FKTN: variants seen among roughly 807,000 people sequenced by gnomAD.
FKTN encodes the protein ribitol-5-phosphate transferase FKTN.
In FKTN, 47 loss-of-function variants were observed where a neutral mutation model predicts 58.6. The ratio of observed to expected loss-of-function variants is 0.80; its 90% CI spans 0.63 to 1.02. The LOEUF (loss-of-function observed/expected upper bound fraction) is 1.02, where lower values mean the gene tolerates loss of function less well. FKTN is among the 50% of genes least tolerant of loss of function. FKTN has a pLI of 0.00. For synonymous variants in FKTN, 178 were observed against 191.9 expected (o/e 0.93, Z 0.60); for missense variants, 516 against 537.3 (o/e 0.96, Z 0.39).
chr9:105,636,899 C>A lies in FKTN; in HGVS notation c.*1635C>A, dbSNP rs568504559. 2.6e-5 allele frequency: 28 copies of A among 1,097,616 alleles called. No homozygotes were observed. The South Asian group carries it at 5.4e-4, about 21-fold the overall frequency. The allele number at this position is 1,097,616 out of a possible 1,614,324, so 68.0% of individuals were successfully genotyped here. On this transcript the variant is annotated 3_prime_UTR_variant, in exon 11 of 11. Transcript: ENST00000357998. ...CATGAAAACCTTTGATAAATGATAA[C>A]CAACAGTCTTCTGTCCTAATTTGCA...
Position 105,640,675 on chromosome 9 carries a change from C to T in FKTN, c.*5411C>T, listed in dbSNP as rs564615099. On this transcript the variant is annotated 3_prime_UTR_variant, in exon 11 of 11. Coordinates refer to ENST00000357998, the MANE Select transcript of FKTN (RefSeq NM_001079802.2). ...CAGAGATTTTGTAGGGACCCATTAA[C>T]AAGCTCCTATATAATTATAAGCAGC... The T allele has an allele frequency of 2.6e-5, 4 of 152,194 alleles. No homozygotes were observed. In the South Asian group the frequency reaches 6.2e-4, roughly 24 times the overall value. The allele number at this position is 152,194 out of a possible 1,614,324, so 9.4% of individuals were successfully genotyped here. A position where few individuals can be genotyped will look rare whatever the true frequency, so the allele number is the denominator to read the frequency against.
intron 3 of FKTN, among the ~76,000 whole-genome samples, chr9:105,579,272 A>T (rs762021587): frequency 1.3e-4 from 20 of 152,038 alleles, no homozygotes; most frequent in Non-Finnish European, 1.6e-4. Flanking sequence ...TGTCAATTTT[A>T]GATCTTTCCT....
In FKTN at chr9:105,638,657, G is replaced by A. The variant is rs572399762; in HGVS notation, c.*3393G>A. On this transcript the variant is annotated 3_prime_UTR_variant, in exon 11 of 11. Coordinates refer to ENST00000357998, the MANE Select transcript of FKTN (RefSeq NM_001079802.2). The stretch of plus-strand genomic sequence containing the variant: ...TCATTCACAAAAAAGAATAATAGAT[G>A]TAACTGGAGTCACTTTGCAGTTTTC... The A allele has an allele frequency of 6.4e-5, 63 of 985,166 alleles. 1 individual carries two copies. The South Asian group carries it at 2.6e-3, about 41-fold the overall frequency. 61.0% of individuals were successfully genotyped at this position (985,166 alleles called of 1,614,324 possible).
At chr9:105,581,902 A>G (rs779849650) in intron 3 of FKTN, among the ~76,000 whole-genome samples, 1 of 152,108 alleles carries the variant, frequency 6.6e-6, no homozygotes, top group Non-Finnish European at 1.5e-5. Flanking sequence ...TGAAAAGCGC[A>G]ATATTCGGGT....
Position 105,640,321 on chromosome 9 carries a change from C to T in FKTN, c.*5057C>T. 1.6e-6 allele frequency: 1 copy of T among 623,366 alleles called. No individual in the cohort carries two copies. The highest frequency in any genetic ancestry group is 2.5e-6 in the Non-Finnish European group (1 of 393,378). 38.6% of individuals were successfully genotyped at this position (623,366 alleles called of 1,614,324 possible). On this transcript the variant is annotated 3_prime_UTR_variant, in exon 11 of 11. Coordinates refer to ENST00000357998, the MANE Select transcript of FKTN (RefSeq NM_001079802.2). Reference sequence around the variant, plus strand: ...ATACCAGCAGTTTGAGAAGCTAAGGCAGGTGGATCACTTGAGGCCAGGAGT... The same window carrying T: ...ATACCAGCAGTTTGAGAAGCTAAGGTAGGTGGATCACTTGAGGCCAGGAGT...
intron 3 of FKTN, among the ~76,000 whole-genome samples, chr9:105,577,560 T>C (rs1841974000): frequency 6.9e-6 from 1 of 145,348 alleles, no homozygotes; most frequent in Non-Finnish European, 1.5e-5. Flanking sequence ...CATGCTGTTT[T>C]GGTTACTGTA....
At chr9:105,593,576 G>A (rs1359205748) in intron 3 of FKTN, among the ~76,000 whole-genome samples, 1 of 152,132 alleles carries the variant, frequency 6.6e-6, no homozygotes, top group African/African-American at 2.4e-5. Context: ...ATGACTAGAT[G>A]AGATACTAAG....
At chr9:105,624,457 G>A (rs1832492283) in intron 10 of FKTN, 1 of 151,606 alleles carries the variant, frequency 6.6e-6, no homozygotes, top group Non-Finnish European at 1.5e-5. Context: ...ATAAACCCTG[G>A]CTTTATATAA....
Position 105,596,403 on chromosome 9 carries a change from C to T in FKTN, c.106-195C>T, listed in dbSNP as rs576069457. Among the ~76,000 whole-genome samples, 117 of 152,204 alleles carry T rather than the reference C, an allele frequency of 7.7e-4. 1 individual carries two copies. Among genetic ancestry groups the T allele is most frequent in the African/African-American group, 2.7e-3 (111 of 41,560 alleles). ...CTTAATTAACTTACTACAAATCTAT[C>T]GATGTTTTCCATCTTGGATTTTTAT... On this transcript the variant is annotated intron_variant, in intron 3 of 10. Transcript: ENST00000357998.
intron 10 of FKTN, among the ~76,000 whole-genome samples, chr9:105,632,167 A>G (rs1833537073): frequency 6.6e-6 from 1 of 151,870 alleles, no homozygotes; most frequent in Non-Finnish European, 1.5e-5. Context: ...CTATCGCAAG[A>G]ACAAAAAACC....
At chr9:105,618,644 G>C (rs528716468) in intron 9 of FKTN, among the ~76,000 whole-genome samples, 2 of 152,140 alleles carry the variant, frequency 1.3e-5, no homozygotes, top group Non-Finnish European at 2.9e-5. Flanking sequence ...ACTAGGGATA[G>C]GTCATTGGGG....
At chr9:105,599,240 A>G (rs1002855790) in intron 4 of FKTN, among the ~76,000 whole-genome samples, 9 of 152,122 alleles carry the variant, frequency 5.9e-5, no homozygotes, top group African/African-American at 1.9e-4. Context: ...TGAAATTATC[A>G]TAGTTTTTCA....
chr9:105,616,879 CAAAA>C (rs377163590), intron 8 of FKTN, among the ~76,000 whole-genome samples: 1 of 119,872 alleles, frequency 8.3e-6, no homozygotes, highest in Non-Finnish European at 1.8e-5. Flanking sequence ...TAGAATAAGC[CAAAA>C]AAAAAAAAAA....
At chr9:105,576,145 CTTTTT>C (rs5899668) in intron 3 of FKTN, among the ~76,000 whole-genome samples, 5 of 119,694 alleles carry the variant, frequency 4.2e-5, no homozygotes, top group African/African-American at 1.5e-4. Context: ...TGAAACTTTT[CTTTTT>C]TTTTTTTTTT....
At chr9:105,630,505 CACAGA>C (rs1250767034) in intron 10 of FKTN, among the ~76,000 whole-genome samples, 3 of 152,124 alleles carry the variant, frequency 2.0e-5, no homozygotes, top group Non-Finnish European at 2.9e-5. Context: ...ACTGTGCCTT[CACAGA>C]ACAGATTATC....
intron 1 of FKTN, among the ~76,000 whole-genome samples, chr9:105,558,939 G>C (rs1837734048): frequency 6.6e-6 from 1 of 152,194 alleles, no homozygotes; most frequent in Admixed American, 6.5e-5. Context: ...AGTGAGGGTA[G>C]AGGATTTGGG....
intron 1 of FKTN, among the ~76,000 whole-genome samples, chr9:105,569,395 A>C (rs1470701926): frequency 6.6e-6 from 1 of 152,148 alleles, no homozygotes; most frequent in Non-Finnish European, 1.5e-5. Flanking sequence ...TTTTCATCAC[A>C]GTTGTGTATG....
Position 105,558,176 on chromosome 9 carries a change from G to C in FKTN, c.-181+11G>C, listed in dbSNP as rs183319263. On this transcript the variant is annotated intron_variant, in intron 1 of 10. Transcript: ENST00000357998. ...CTGCTGTTGAGTGAGGTAAGGTACG[G>C]GAGGCTCAGGTCGGTACCCGGGGAT... The C allele has an allele frequency of 6.6e-6, 1 of 152,382 alleles. No homozygotes were observed. The highest frequency in any genetic ancestry group is 2.4e-5 in the African/African-American group (1 of 41,566). 9.4% of individuals were successfully genotyped at this position (152,382 alleles called of 1,614,324 possible).
intron 3 of FKTN, among the ~76,000 whole-genome samples, chr9:105,590,820 T>C (rs962895325): frequency 1.2e-4 from 19 of 152,202 alleles, no homozygotes; most frequent in African/African-American, 4.3e-4. Flanking sequence ...GAGGTTTAAT[T>C]GGCTCATGGT....
Sources: allele counts gnomAD v4.1 joint callset (sites outside exome capture counted in the v4.1 genomes callset), GRCh38; gene constraint gnomAD v4.1.1; transcripts MANE v1.5; gene names NCBI Gene and HGNC (gene_info 2026-07-23, HGNC 2026-07-21).